Variants in PLD1 observed in about 807,000 individuals in gnomAD.
PLD1 encodes phospholipase D1.
In PLD1, 112 loss-of-function variants were observed where a neutral mutation model predicts 137.1. That is an observed-to-expected ratio of 0.82 (90% CI 0.70 to 0.96). The LOEUF (loss-of-function observed/expected upper bound fraction) is 0.96, where lower values mean the gene tolerates loss of function less well. PLD1 is among the 40% of genes least tolerant of loss of function. The probability of loss-of-function intolerance (pLI) is 0.00; values close to 1 mark genes in which losing one functional copy is unlikely to be tolerated. For synonymous variants in PLD1, 431 were observed against 454.7 expected, an observed-to-expected ratio of 0.95 and a Z score of 0.66; for missense variants, 1,321 against 1,342.0, an observed-to-expected ratio of 0.98 and a Z score of 0.24.
At chr3:171,610,605 G>C (rs539679228) in intron 25 of PLD1, among the ~76,000 whole-genome samples, 1 of 152,292 alleles carries the variant, frequency 6.6e-6, no homozygotes, top group East Asian at 1.9e-4. Flanking sequence ...TGACTTTAAA[G>C]AGAATTCTTA....
At position 171,605,249 on chromosome 3, in the gene PLD1, T is replaced by C. The variant is rs892609693; in HGVS notation, c.3000+50A>G. 6 of 1,015,184 alleles carry C rather than the reference T, an allele frequency of 5.9e-6. No individual in the cohort carries two copies. The South Asian group carries it at 7.6e-5, about 13-fold the overall frequency. The allele number at this position is 1,015,184 out of a possible 1,614,324, so 62.9% of individuals were successfully genotyped here. On this transcript the variant is annotated intron_variant, in intron 26 of 26. Coordinates refer to ENST00000351298, the MANE Select transcript of PLD1 (RefSeq NM_002662.5). ...TGCAGAAATAACAATATGCTTTTTGTGATGAGATTCAGTGAAAAGAAACGG... is the reference window on the plus strand; with the variant it reads ...TGCAGAAATAACAATATGCTTTTTGCGATGAGATTCAGTGAAAAGAAACGG...
chr3:171,618,114 A>G (rs1389658212), intron 24 of PLD1, among the ~76,000 whole-genome samples: 1 of 152,012 alleles, frequency 6.6e-6, no homozygotes, highest in African/African-American at 2.4e-5. Flanking sequence ...GCACTTGGGG[A>G]AGGAAAAAAG....
chr3:171,802,624 A>C (rs1378540300), intron 1 of PLD1, among the ~76,000 whole-genome samples: 1 of 152,220 alleles, frequency 6.6e-6, no homozygotes, highest in East Asian at 1.9e-4. Context: ...GGTGAGAAAC[A>C]AGTTGATCAA....
chr3:171,694,315 A>T (rs1157717473), intron 12 of PLD1, among the ~76,000 whole-genome samples: 3 of 152,098 alleles, frequency 2.0e-5, no homozygotes. Context: ...CTAATTATTT[A>T]TTATAATTAT....
At chr3:171,677,008 G>C (rs149484151) in intron 17 of PLD1, among the ~76,000 whole-genome samples, 175 bp from the exon 18 acceptor site, 5 of 152,290 alleles carry the variant, frequency 3.3e-5, no homozygotes, top group African/African-American at 1.2e-4. Flanking sequence ...TCACATTCAG[G>C]GACATAGTCT....
At chr3:171,617,145 G>C (rs949828622) in intron 24 of PLD1, among the ~76,000 whole-genome samples, 49 of 152,084 alleles carry the variant, frequency 3.2e-4, no homozygotes, top group Non-Finnish European at 1.6e-4. Context: ...CTAGAAATAA[G>C]AACCAGGCAT....
At chr3:171,698,151 T>C (rs1383706658) in intron 12 of PLD1, among the ~76,000 whole-genome samples, 1 of 152,210 alleles carries the variant, frequency 6.6e-6, no homozygotes, top group Non-Finnish European at 1.5e-5. Flanking sequence ...AGTAGTCTGG[T>C]AAGGCTAGGA....
At chr3:171,699,872 A>G in intron 11 of PLD1, 46 bp from the exon 12 acceptor site, 2 of 1,478,004 alleles carry the variant, frequency 1.4e-6, no homozygotes, top group Non-Finnish European at 1.9e-6. Context: ...ACAAAATATA[A>G]AGTTCTGATT....
At chr3:171,767,956 G>GC (rs1317790480) in intron 1 of PLD1, among the ~76,000 whole-genome samples, 2 of 66,456 alleles carry the variant, frequency 3.0e-5, no homozygotes, top group Admixed American at 1.8e-4. Context: ...AAAAAAGAGA[G>GC]GGGGGCTGGG....
At chr3:171,788,255 T>C (rs1321013261) in intron 1 of PLD1, among the ~76,000 whole-genome samples, 4 of 105,002 alleles carry the variant, frequency 3.8e-5, no homozygotes, top group Admixed American at 8.9e-5. Flanking sequence ...CACTTCTTTT[T>C]TTTTTTTTTT....
chr3:171,609,487 GCAGA>G (rs1296527990), intron 25 of PLD1, among the ~76,000 whole-genome samples: 1 of 146,986 alleles, frequency 6.8e-6, no homozygotes, highest in African/African-American at 2.5e-5. Context: ...AATGTCCTGA[GCAGA>G]CAATTACATA....
intron 1 of PLD1, among the ~76,000 whole-genome samples, chr3:171,779,488 G>T (rs191526271): frequency 5.1e-4 from 77 of 152,282 alleles, no homozygotes; most frequent in African/African-American, 1.5e-3. Flanking sequence ...AGTTTTTGGG[G>T]CAAATCAGCA....
chr3:171,674,976 T>A (rs1424647518), intron 18 of PLD1, among the ~76,000 whole-genome samples: 10 of 66,342 alleles, frequency 1.5e-4, no homozygotes, highest in African/African-American at 6.2e-4. Flanking sequence ...TGAATCTCCA[T>A]CTCAAAAAAA....
intron 25 of PLD1, chr3:171,611,665 T>C: frequency 1.9e-6 from 1 of 518,746 alleles, no homozygotes; most frequent in South Asian, 1.4e-5. Context: ...ATTTAAATTT[T>C]ACACCAGCAG....
intron 19 of PLD1, among the ~76,000 whole-genome samples, chr3:171,666,612 T>A (rs1712176487): frequency 6.6e-6 from 1 of 152,242 alleles, no homozygotes; most frequent in South Asian, 2.1e-4. Flanking sequence ...TTTGTTTTAA[T>A]ATTTACTCTC....
intron 23 of PLD1, among the ~76,000 whole-genome samples, chr3:171,620,742 C>CTCTCTATATATATATA (rs1473647659): frequency 3.2e-5 from 3 of 94,794 alleles, no homozygotes; most frequent in African/African-American, 4.3e-5. Context: ...CTCTCTCTCT[C>CTCTCTATATATATATA]TATATATATA....
At chr3:171,753,574 T>C (rs11708205) in intron 1 of PLD1, among the ~76,000 whole-genome samples, 21,016 of 152,144 alleles carry the variant, frequency 0.14, 1,521 homozygotes, top group South Asian at 0.22. Context: ...CACTTTACCA[T>C]GACAAGGGAG....
At chr3:171,773,837 C>T (rs965170520) in intron 1 of PLD1, among the ~76,000 whole-genome samples, 2 of 152,036 alleles carry the variant, frequency 1.3e-5, no homozygotes, top group Non-Finnish European at 2.9e-5. Flanking sequence ...CAACCTCCGC[C>T]TCCTGGGTTC....
intron 23 of PLD1, among the ~76,000 whole-genome samples, chr3:171,642,457 C>CAAAAAAA (rs1230947984): frequency 6.1e-4 from 20 of 32,820 alleles, no homozygotes; most frequent in Admixed American, 8.4e-4. Flanking sequence ...AACCCAGTCT[C>CAAAAAAA]AAAAAAAAAA....
Sources: gnomAD v4.1 joint callset for allele counts (sites outside exome capture counted in the v4.1 genomes callset) on GRCh38, gnomAD v4.1.1 for gene constraint, MANE v1.5 for transcripts, NCBI Gene and HGNC (gene_info 2026-07-23, HGNC 2026-07-21) for gene names.